The following NRXN3 variants were observed in gnomAD, a reference collection of about 807,000 sequenced individuals.
The protein encoded by NRXN3 is neurexin 3, also known as neurexin III.
In NRXN3, 32 loss-of-function variants were observed where a neutral mutation model predicts 137.6. The observed-to-expected ratio is 0.23, with a 90% CI of 0.18 to 0.31. The LOEUF (loss-of-function observed/expected upper bound fraction) is 0.31, where lower values mean the gene tolerates loss of function less well. Ranked by LOEUF, NRXN3 falls within the 10% of genes least tolerant of loss-of-function variation. The pLI is 1.00. For missense variants in NRXN3, 1,574 were observed against 2,062.5 expected, an observed-to-expected ratio of 0.76 and a Z score of 4.59; for synonymous variants, 798 against 784.5, an observed-to-expected ratio of 1.02 and a Z score of -0.29.
chr14:78,191,703 C>A (rs2153375926), intron 1 of NRXN3, among the ~76,000 whole-genome samples: 1 of 152,186 alleles, frequency 6.6e-6, no homozygotes, highest in Middle Eastern at 3.4e-3. Flanking sequence ...GGAGTGGTGC[C>A]ACCAGTGTGA....
At chr14:78,923,717 A>C (rs556778104) in intron 10 of NRXN3, among the ~76,000 whole-genome samples, 5 of 152,202 alleles carry the variant, frequency 3.3e-5, no homozygotes, top group Non-Finnish European at 7.3e-5. Flanking sequence ...GTGCCTGAGC[A>C]TTTATTGTAC....
chr14:79,134,032 G>A (rs28706739), intron 15 of NRXN3, among the ~76,000 whole-genome samples: 4,812 of 151,942 alleles, frequency 0.032, 244 homozygotes, highest in African/African-American at 0.11. Flanking sequence ...TCCTCATTCC[G>A]TATCTCCATC....
At chr14:79,157,417 G>A (rs1442963511) in intron 15 of NRXN3, among the ~76,000 whole-genome samples, 1 of 151,746 alleles carries the variant, frequency 6.6e-6, no homozygotes, top group Non-Finnish European at 1.5e-5. Flanking sequence ...AATGGACAAA[G>A]CTGGGATTGC....
chr14:78,215,687 T>C (rs2153417638), intron 1 of NRXN3, among the ~76,000 whole-genome samples: 1 of 148,186 alleles, frequency 6.7e-6, no homozygotes, highest in Admixed American at 7.0e-5. Flanking sequence ...AGCACCCTTG[T>C]CCACAGCTGT....
chr14:79,484,146 T>C (rs1045907208), intron 16 of NRXN3, among the ~76,000 whole-genome samples: 92 of 152,142 alleles, frequency 6.0e-4, no homozygotes, highest in African/African-American at 2.1e-3. Flanking sequence ...CATGAGAGCA[T>C]CTAAAATAGA....
At chr14:79,111,471 G>A (rs888168997) in intron 15 of NRXN3, among the ~76,000 whole-genome samples, 3 of 152,158 alleles carry the variant, frequency 2.0e-5, no homozygotes, top group African/African-American at 7.2e-5. Context: ...GGGCACAGTG[G>A]CTCATGCCTG....
chr14:79,487,655 G>A (rs1320222798), intron 16 of NRXN3, among the ~76,000 whole-genome samples: 1 of 146,048 alleles, frequency 6.8e-6, no homozygotes, highest in Non-Finnish European at 1.5e-5. Context: ...GGCAGCTGCA[G>A]GGTTACAGGG....
At chr14:79,055,046 T>G (rs1288581678) in intron 15 of NRXN3, among the ~76,000 whole-genome samples, 1 of 152,190 alleles carries the variant, frequency 6.6e-6, no homozygotes, top group South Asian at 2.1e-4. Flanking sequence ...TATGTGGGAT[T>G]CCACTACCCT....
At chr14:78,827,270 C>CG (rs1401792418) in intron 10 of NRXN3, among the ~76,000 whole-genome samples, 1 of 51,596 alleles carries the variant, frequency 1.9e-5, no homozygotes, top group Non-Finnish European at 6.9e-5. Flanking sequence ...CTGAGAGGAC[C>CG]GAAAAAAAAA....
At chr14:78,410,706 T>G (rs1488889658) in intron 4 of NRXN3, among the ~76,000 whole-genome samples, 1 of 152,194 alleles carries the variant, frequency 6.6e-6, no homozygotes, top group Non-Finnish European at 1.5e-5. Context: ...AAAAACCTCC[T>G]TAGTTGAAAA....
chr14:79,791,025 G>T (rs2099143562), intron 19 of NRXN3, among the ~76,000 whole-genome samples: 1 of 152,090 alleles, frequency 6.6e-6, no homozygotes, highest in South Asian at 2.1e-4. Context: ...ATTCATGAGG[G>T]ATCCACCCCT....
rs2076454591 is a variant in NRXN3, at chr14:78,297,415, TGC to T, written c.728-415_728-414del. ...CCAAGTTTCTACAGTGACCATGTATTGCTATTACAAGTAATTTAAAAGAAAGA... is the reference window on the plus strand; with the variant it reads ...CCAAGTTTCTACAGTGACCATGTATTTATTACAAGTAATTTAAAAGAAAGA... On this transcript the variant is annotated intron_variant, in intron 3 of 20. Coordinates refer to ENST00000335750, the MANE Select transcript of NRXN3 (RefSeq NM_001330195.2). Among the ~76,000 whole-genome samples, 5 of 152,326 alleles carry T rather than the reference TGC, an allele frequency of 3.3e-5. No individual in the cohort carries two copies. In the South Asian group the frequency reaches 1.0e-3, roughly 32 times the overall value.
In NRXN3 at chr14:78,243,325, C is replaced by G. The variant is rs961344519; in HGVS notation, c.232C>G (p.Leu78Val). The G allele has an allele frequency of 1.0e-5, 16 of 1,559,954 alleles. No homozygotes were observed. The highest frequency in any genetic ancestry group is 1.4e-5 in the Non-Finnish European group (16 of 1,160,318). ...DDGGVCDFLC[L>V]SLVDGRVQLR... is the part of the protein sequence containing the mutation. The stretch of plus-strand genomic sequence containing the variant: ...TGGCGGCGTCTGCGACTTCCTATGC[C>G]TCTCCCTGGTGGATGGCCGCGTTCA... Residue 78 changes from leucine to valine, a missense_variant, in exon 2 of 21, where the codon CTC (leucine) becomes GTC (valine). By Grantham distance (32) the Leu-to-Val change is conservative (BLOSUM62 1). Around this residue, in one of 5 missense-constraint regions of NRXN3, gnomAD observed 400 missense variants for 527.3 expected, o/e 0.76. Transcript: ENST00000335750. This position sits in a 1 kb window ranked among gnomAD's most constrained non-coding sequence, Gnocchi z 4.2.
chr14:78,281,347 A>T (rs1851690912), intron 3 of NRXN3, among the ~76,000 whole-genome samples: 1 of 152,202 alleles, frequency 6.6e-6, no homozygotes, highest in Non-Finnish European at 1.5e-5. Flanking sequence ...GGATTTTATG[A>T]GCTAATGTAA....
At chr14:78,248,971 TTTTCCTCC>T (rs2068152641) in intron 2 of NRXN3, among the ~76,000 whole-genome samples, 1 of 152,168 alleles carries the variant, frequency 6.6e-6, no homozygotes, top group Non-Finnish European at 1.5e-5. Flanking sequence ...GATTGCTCCT[TTTTCCTCC>T]TTTCCTCCTG....
At chr14:78,548,416 C>G (rs2096656313) in intron 4 of NRXN3, among the ~76,000 whole-genome samples, 1 of 152,132 alleles carries the variant, frequency 6.6e-6, no homozygotes, top group Non-Finnish European at 1.5e-5. Flanking sequence ...AGGACGGCCC[C>G]ACTAGACTCT....
At chr14:79,435,602 A>ACACACACC (rs1385670906) in intron 15 of NRXN3, among the ~76,000 whole-genome samples, 1 of 146,192 alleles carries the variant, frequency 6.8e-6, no homozygotes, top group African/African-American at 2.7e-5. Flanking sequence ...ATACACACAC[A>ACACACACC]CACACACACA....
At chr14:79,704,513 T>G (rs2098768534) in intron 19 of NRXN3, among the ~76,000 whole-genome samples, 1 of 152,170 alleles carries the variant, frequency 6.6e-6, no homozygotes, top group Non-Finnish European at 1.5e-5. Context: ...AGTTTTCATC[T>G]CCTTGCTTTT....
At chr14:79,609,195 A>C (rs1847653156) in intron 16 of NRXN3, among the ~76,000 whole-genome samples, 1 of 152,210 alleles carries the variant, frequency 6.6e-6, no homozygotes, top group South Asian at 2.1e-4. Context: ...CAAAAGAGTG[A>C]CCAGTAATGA....
Sources: allele counts gnomAD v4.1 joint callset (sites outside exome capture counted in the v4.1 genomes callset), GRCh38; gene constraint gnomAD v4.1.1; regional missense constraint gnomAD v4.1.1; non-coding constraint Gnocchi (gnomAD v3.1); transcripts MANE v1.5; gene names NCBI Gene and HGNC (gene_info 2026-07-23, HGNC 2026-07-21).